Variants in KLC1 observed in about 807,000 individuals in gnomAD.
KLC1 encodes the protein kinesin light chain 1.
In KLC1, 30 loss-of-function variants were observed where a neutral mutation model predicts 84.2. That is an observed-to-expected ratio of 0.36 (90% CI 0.27 to 0.48). KLC1 has a LOEUF of 0.48. Among genes scored for constraint, KLC1 ranks in the 20% least tolerant of loss-of-function variants. KLC1 has a pLI of 0.99. For synonymous variants in KLC1, 289 were observed against 293.3 expected, an observed-to-expected ratio of 0.99 and a Z score of 0.15; for missense variants, 499 against 805.4, an observed-to-expected ratio of 0.62 and a Z score of 4.60.
chr14:103,692,327 T>A, intron 14 of KLC1, 32 bp from the exon 15 acceptor site: 1 of 1,534,594 alleles, frequency 6.5e-7, no homozygotes, highest in Non-Finnish European at 8.7e-7. Context: ...GTGCTGATCG[T>A]TTGTCCTTGC....
rs906653502 is a variant in KLC1, at chr14:103,644,582, C to G, written c.-1-9982C>G. On this transcript the variant is annotated intron_variant, in intron 1 of 16. Transcript: ENST00000334553. ...CTGCATGACCTGTTTTTTTTCCTCC[C>G]TCTCTGGAAGTATAGAGAATATTCT... is the stretch of plus-strand genomic sequence containing the variant. Among the ~76,000 whole-genome samples the G allele has an allele frequency of 2.0e-5, 3 of 152,026 alleles. No homozygotes were observed. The South Asian group carries it at 6.2e-4, about 32-fold the overall frequency.
intron 1 of KLC1, among the ~76,000 whole-genome samples, chr14:103,633,204 C>T (rs1483431938): frequency 6.6e-6 from 1 of 151,922 alleles, no homozygotes; most frequent in South Asian, 2.1e-4. Flanking sequence ...ACTACAGGTG[C>T]GTGCCACCAC....
At chr14:103,636,466 C>A (rs1051954092) in intron 1 of KLC1, among the ~76,000 whole-genome samples, 25 of 152,198 alleles carry the variant, frequency 1.6e-4, no homozygotes, top group Admixed American at 1.2e-3. Flanking sequence ...GTGATCACCC[C>A]CCATCGGCCT....
intron 1 of KLC1, among the ~76,000 whole-genome samples, chr14:103,635,659 T>C (rs2076991491): frequency 6.6e-6 from 1 of 151,360 alleles, no homozygotes; most frequent in Non-Finnish European, 1.5e-5. Flanking sequence ...GAAGCTGAGG[T>C]AGGAGAATCA....
chr14:103,667,340 C>T lies in KLC1; in HGVS notation c.798-2171C>T, dbSNP rs181562077. Among the ~76,000 whole-genome samples, 89 of 152,074 alleles carry T rather than the reference C, an allele frequency of 5.9e-4. No individual in the cohort carries two copies. The Middle Eastern group carries it at 0.017, about 29-fold the overall frequency. On this transcript the variant is annotated intron_variant, in intron 5 of 16. Transcript: ENST00000334553. Reference sequence around the variant, plus strand: ...TTGGTTGATCTTGAACTCCTGACCTCGGGTGATCTACCCGCCTCAGCCTCC... The same window carrying T: ...TTGGTTGATCTTGAACTCCTGACCTTGGGTGATCTACCCGCCTCAGCCTCC...
intron 13 of KLC1, 131 bp downstream of exon 13, chr14:103,679,676 G>A: frequency 1.5e-6 from 1 of 646,008 alleles, no homozygotes; most frequent in South Asian, 2.0e-5. Flanking sequence ...CTTTCTGTAA[G>A]TTCTTCACTT....
At chr14:103,699,684 T>A (rs1428860914) in intron 15 of KLC1, 2 of 1,088,062 alleles carry the variant, frequency 1.8e-6, no homozygotes, top group Admixed American at 1.9e-5. Context: ...CCTACCCACC[T>A]GGGGCTCACA....
intron 15 of KLC1, chr14:103,698,529 T>G: frequency 1.9e-6 from 1 of 518,212 alleles, no homozygotes; most frequent in Non-Finnish European, 3.5e-6. Flanking sequence ...GAATCACCTC[T>G]CCCCAAGGGC....
chr14:103,653,679 G>A (rs1055681945), intron 1 of KLC1, among the ~76,000 whole-genome samples: 2 of 152,318 alleles, frequency 1.3e-5, no homozygotes, highest in East Asian at 1.9e-4. Flanking sequence ...TTAATGAATC[G>A]TGAGATTTTA....
In KLC1 at chr14:103,675,534, C is replaced by CTG; in HGVS notation, c.1262-14_1262-13dup. Reference sequence around the variant, plus strand: ...GGATTAAGGATGCTCAACCTGTATGCTGTGTTTTCTTCCCTAGATGAAAAT... The same window carrying CTG: ...GGATTAAGGATGCTCAACCTGTATGCTGTGTGTTTTCTTCCCTAGATGAAAAT... On this transcript the variant is annotated splice_polypyrimidine_tract_variant and intron_variant, in intron 9 of 16. Coordinates refer to ENST00000334553, the MANE Select transcript of KLC1 (RefSeq NM_001394837.1). The CTG allele has an allele frequency of 2.5e-6, 4 of 1,606,900 alleles. No homozygotes were observed. The highest frequency in any genetic ancestry group is 3.4e-6 in the Non-Finnish European group (4 of 1,175,508).
intron 13 of KLC1, chr14:103,685,657 TCA>T: frequency 7.8e-7 from 1 of 1,289,528 alleles, no homozygotes; most frequent in South Asian, 1.2e-5. Context: ...CCCGTGACTC[TCA>T]CACTGTCTCC....
At chr14:103,692,524 C>T in intron 15 of KLC1, 99 bp downstream of exon 15, 1 of 1,011,742 alleles carries the variant, frequency 9.9e-7, no homozygotes, top group Non-Finnish European at 1.5e-6. Context: ...CCTGCTCCTG[C>T]AGAGGGCTGG....
chr14:103,681,041 G>A (rs1014886127), intron 13 of KLC1, among the ~76,000 whole-genome samples: 1 of 152,126 alleles, frequency 6.6e-6, no homozygotes, highest in Admixed American at 6.5e-5. Flanking sequence ...TGGAAGTGTC[G>A]CTGCTGGGGA....
intron 3 of KLC1, among the ~76,000 whole-genome samples, chr14:103,661,696 C>T (rs1395218108): frequency 1.3e-5 from 2 of 152,118 alleles, no homozygotes; most frequent in East Asian, 1.9e-4. Context: ...GCCCCAGAGC[C>T]GATTGTGGTG....
In KLC1 at chr14:103,687,180, A is replaced by C. The variant is rs561030078; in HGVS notation, c.1750A>C (p.Ser584Arg). Reference sequence around the variant, plus strand: ...GCTGGTTAGGAAGCTGAAGGGAGGAAGTTCACGAGAGAGTGAGCCAAAGAA... The same window carrying C: ...GCTGGTTAGGAAGCTGAAGGGAGGACGTTCACGAGAGAGTGAGCCAAAGAA... ...EKLVRKLKGG[S>R]SRESEPKNPG... is the part of the protein sequence containing the mutation. The change falls in exon 14 of 17, where the codon AGT becomes CGT. Residue 584 changes from serine (S) to arginine (R), a missense_variant. By Grantham distance (110) the Ser-to-Arg change is moderately radical. Around this residue, in one of 3 missense-constraint regions of KLC1, gnomAD observed 167 missense variants for 208.8 expected, o/e 0.80. Coordinates refer to ENST00000334553, the MANE Select transcript of KLC1 (RefSeq NM_001394837.1). 3 of 1,547,770 alleles carry C rather than the reference A, an allele frequency of 1.9e-6. No individual in the cohort carries two copies. Among genetic ancestry groups the C allele is most frequent in the Non-Finnish European group, 2.6e-6 (3 of 1,144,458 alleles).
At chr14:103,660,245 C>G (rs946164211) in intron 3 of KLC1, among the ~76,000 whole-genome samples, 3 of 152,134 alleles carry the variant, frequency 2.0e-5, no homozygotes. Context: ...CTTAGGGAGG[C>G]CGAGGCAGGC....
chr14:103,696,006 T>C (rs2082444305), intron 15 of KLC1: 1 of 985,150 alleles, frequency 1.0e-6, no homozygotes, highest in Non-Finnish European at 1.2e-6. Flanking sequence ...GCATCCCTCC[T>C]CCTGTGTGTG....
intron 1 of KLC1, among the ~76,000 whole-genome samples, chr14:103,643,454 T>C (rs966583046): frequency 6.6e-6 from 1 of 152,234 alleles, no homozygotes; most frequent in Non-Finnish European, 1.5e-5. Flanking sequence ...AGAATTGTTA[T>C]GAAAAGATTC....
At position 103,701,367 on chromosome 14, in the gene KLC1, C is replaced by T. The variant is rs544256128; in HGVS notation, c.*168C>T. ...ATGATACTAATAACCACACGGCTGG[C>T]GTGACCTTGGGGCTGGGGCTGGGCC... On this transcript the variant is annotated 3_prime_UTR_variant, in exon 17 of 17. Coordinates refer to ENST00000334553, the MANE Select transcript of KLC1 (RefSeq NM_001394837.1). The T allele has an allele frequency of 6.8e-4, 479 of 700,840 alleles. 9 individuals are homozygous for T. The South Asian group carries it at 9.8e-3, about 14-fold the overall frequency. 43.4% of individuals were successfully genotyped at this position (700,840 alleles called of 1,614,324 possible).
Sources: allele counts gnomAD v4.1 joint callset (sites outside exome capture counted in the v4.1 genomes callset), GRCh38; gene constraint gnomAD v4.1.1; regional missense constraint gnomAD v4.1.1; transcripts MANE v1.5; gene names NCBI Gene and HGNC (gene_info 2026-07-23, HGNC 2026-07-21).